RIPOR2: variants seen among roughly 807,000 people sequenced by gnomAD.
RIPOR2 encodes RHO family interacting cell polarization regulator 2, also known as rho family-interacting cell polarization regulator 2.
In RIPOR2, 39 loss-of-function variants were observed where a neutral mutation model predicts 114.5. The ratio of observed to expected loss-of-function variants is 0.34; its 90% CI spans 0.26 to 0.44. The LOEUF is 0.44. RIPOR2 is among the 20% of genes least tolerant of loss of function. The probability of loss-of-function intolerance (pLI) is 1.00; values close to 1 mark genes in which losing one functional copy is unlikely to be tolerated. For synonymous variants in RIPOR2, 445 were observed against 484.4 expected, an observed-to-expected ratio of 0.92 and a Z score of 1.07; for missense variants, 1,007 against 1,255.1, an observed-to-expected ratio of 0.80 and a Z score of 2.99.
chr6:24,854,617 A>G (rs542011825), intron 8 of RIPOR2, among the ~76,000 whole-genome samples: 2 of 152,346 alleles, frequency 1.3e-5, no homozygotes, highest in East Asian at 3.9e-4. Context: ...TTGGGGCCTA[A>G]AGACTAAAAG....
chr6:25,021,996 A>G (rs190347369), intron 1 of RIPOR2, among the ~76,000 whole-genome samples: 17 of 152,326 alleles, frequency 1.1e-4, no homozygotes, highest in Middle Eastern at 3.4e-3. Flanking sequence ...GCCAAGGGAA[A>G]GATAAACATT....
At chr6:24,819,704 T>A (rs1158614304) in intron 19 of RIPOR2, among the ~76,000 whole-genome samples, 2 of 141,886 alleles carry the variant, frequency 1.4e-5, no homozygotes, top group Non-Finnish European at 3.0e-5. Context: ...GATTTTACCA[T>A]ATTGGCCAGG....
intron 1 of RIPOR2, among the ~76,000 whole-genome samples, chr6:24,922,858 C>CAA (rs869160864): frequency 9.3e-4 from 73 of 78,078 alleles, no homozygotes; most frequent in East Asian, 1.3e-3. Context: ...AGGACAGTCT[C>CAA]AAAAAAAAAA....
chr6:24,968,543 G>A (rs1422882817), intron 1 of RIPOR2, among the ~76,000 whole-genome samples: 1 of 152,174 alleles, frequency 6.6e-6, no homozygotes, highest in African/African-American at 2.4e-5. Context: ...CTCCCCAGGG[G>A]ACATCTGGCA....
intron 1 of RIPOR2, among the ~76,000 whole-genome samples, chr6:25,027,825 G>A (rs910413673): frequency 1.3e-5 from 2 of 152,224 alleles, no homozygotes; most frequent in Non-Finnish European, 2.9e-5. Flanking sequence ...AGTTCCGTGG[G>A]TCAGGGCATC....
Position 24,843,425 on chromosome 6 carries a change from T to C in RIPOR2, c.1294A>G (p.Asn432Asp). 4 of 1,613,394 alleles carry C rather than the reference T, an allele frequency of 2.5e-6. No individual in the cohort carries two copies. The highest frequency in any genetic ancestry group is 3.4e-6 in the Non-Finnish European group (4 of 1,179,406). The change falls in exon 13 of 22, where the codon AAC (asparagine) becomes GAC (aspartate). Residue 432 changes from asparagine (N) to aspartate (D), a missense_variant. Asn to Asp is a conservative substitution (Grantham distance 23). Transcript: ENST00000643898. ...LTSHSTGSPS[N>D]STNPEITITP... Reference sequence around the variant, plus strand: ...ATGGTAATTTCTGGATTTGTTGAGTTGGAAGGGGAGCCTGTTGAGTGGGAG... The same window carrying C: ...ATGGTAATTTCTGGATTTGTTGAGTCGGAAGGGGAGCCTGTTGAGTGGGAG...
At position 24,875,818 on chromosome 6, in the gene RIPOR2, CT is replaced by C; in HGVS notation, c.62-2del. On this transcript the variant is annotated splice_acceptor_variant, in intron 1 of 21. Coordinates refer to ENST00000643898, the MANE Select transcript of RIPOR2 (RefSeq NM_001286445.3). LOFTEE classifies it high-confidence loss of function. The stretch of plus-strand genomic sequence containing the variant: ...ATTTCCGGGAGTCTGGTCGGTAGTC[CT>C]AGAAGACAGTGGAAAGATCATGACA... The C allele has an allele frequency of 6.2e-7, 1 of 1,603,732 alleles. No homozygotes were observed. The highest frequency in any genetic ancestry group is 8.5e-7 in the Non-Finnish European group (1 of 1,174,964).
intron 1 of RIPOR2, among the ~76,000 whole-genome samples, chr6:24,918,324 A>G (rs368157102): frequency 2.6e-5 from 4 of 152,368 alleles, no homozygotes; most frequent in South Asian, 4.1e-4. Flanking sequence ...CTATTATTGA[A>G]AAATTTAAAG....
chr6:24,913,102 C>G (rs1769797674), intron 1 of RIPOR2, among the ~76,000 whole-genome samples: 1 of 151,960 alleles, frequency 6.6e-6, no homozygotes, highest in Non-Finnish European at 1.5e-5. Flanking sequence ...CCCTATTGGG[C>G]TGAGGGGTAT....
At chr6:24,935,694 T>C in intron 1 of RIPOR2, 144 bp downstream of exon 1, 1 of 615,586 alleles carries the variant, frequency 1.6e-6, no homozygotes, top group African/African-American at 1.9e-5. Flanking sequence ...AAGTTGATAT[T>C]TGCAGCCACT....
intron 1 of RIPOR2, among the ~76,000 whole-genome samples, chr6:24,930,503 C>T (rs1348028562): frequency 6.6e-6 from 1 of 152,248 alleles, no homozygotes. Context: ...GTGGCTAAGA[C>T]AGCCTGCATA....
intron 1 of RIPOR2, among the ~76,000 whole-genome samples, chr6:25,010,091 G>A (rs1391085865): frequency 6.6e-6 from 1 of 152,182 alleles, no homozygotes; most frequent in African/African-American, 2.4e-5. Context: ...TAGGTTATGA[G>A]TTTAATTCTT....
chr6:24,951,842 A>G (rs1190459826), intron 1 of RIPOR2, among the ~76,000 whole-genome samples: 1 of 152,144 alleles, frequency 6.6e-6, no homozygotes, highest in African/African-American at 2.4e-5. Context: ...CTTTCTTTCT[A>G]CACACTGGGA....
In RIPOR2 at chr6:24,835,684, A is replaced by C. The variant is rs1761051534; in HGVS notation, c.2208+19T>G. 1 of 1,548,014 alleles carries C rather than the reference A, an allele frequency of 6.5e-7. No individual in the cohort carries two copies. Among genetic ancestry groups the C allele is most frequent in the South Asian group, 1.2e-5 (1 of 84,020 alleles). Reference sequence around the variant, plus strand: ...TAAATCACCTGGCATCTCAAACACAAATTCATCGCTGATCCTACCTGCACG... The same window carrying C: ...TAAATCACCTGGCATCTCAAACACACATTCATCGCTGATCCTACCTGCACG... On this transcript the variant is annotated intron_variant, in intron 15 of 21. Coordinates refer to ENST00000643898, the MANE Select transcript of RIPOR2 (RefSeq NM_001286445.3).
chr6:24,921,659 C>T lies in RIPOR2; in HGVS notation c.61+14179G>A, dbSNP rs576241683. 2.6e-5 allele frequency among the ~76,000 whole-genome samples: 4 copies of T among 151,528 alleles called. No homozygotes were observed. In the South Asian group the frequency reaches 6.3e-4, roughly 24 times the overall value. ...TTCCCATAACACTTATCGCCCCCCC[C>T]GACCCTGATGTACTGTATTTTTATA... On this transcript the variant is annotated intron_variant, in intron 1 of 21. Coordinates refer to ENST00000643898, the MANE Select transcript of RIPOR2 (RefSeq NM_001286445.3).
chr6:24,852,067 C>T (rs1363378176), intron 9 of RIPOR2, among the ~76,000 whole-genome samples: 1 of 152,008 alleles, frequency 6.6e-6, no homozygotes, highest in Admixed American at 6.6e-5. Context: ...CAAGACCAGC[C>T]TGGCCAACAT....
At chr6:25,009,986 A>G (rs1775713654) in intron 1 of RIPOR2, among the ~76,000 whole-genome samples, 1 of 152,190 alleles carries the variant, frequency 6.6e-6, no homozygotes, top group Admixed American at 6.5e-5. Context: ...GAGAGTTAGG[A>G]GGAAGTAGTT....
At chr6:24,841,065 A>T (rs1761669854) in intron 13 of RIPOR2, among the ~76,000 whole-genome samples, 1 of 152,214 alleles carries the variant, frequency 6.6e-6, no homozygotes, top group Admixed American at 6.5e-5. Context: ...TTTTGGAACA[A>T]CAGCAGACTG....
intron 1 of RIPOR2, among the ~76,000 whole-genome samples, chr6:24,930,273 T>C (rs1309522584): frequency 3.3e-5 from 5 of 152,240 alleles, no homozygotes; most frequent in Admixed American, 2.6e-4. Context: ...TGAGTATGCA[T>C]GTACTTTTAG....
Sources: allele counts gnomAD v4.1 joint callset (sites outside exome capture counted in the v4.1 genomes callset), GRCh38; gene constraint gnomAD v4.1.1; transcripts MANE v1.5; gene names NCBI Gene and HGNC (gene_info 2026-07-23, HGNC 2026-07-21).